The following XK variants were observed in gnomAD, a reference collection of about 807,000 sequenced individuals.
XK encodes endoplasmic reticulum membrane adapter protein XK.
In XK, 2 loss-of-function variants were observed where a neutral mutation model predicts 14.0. That is an observed-to-expected ratio of 0.14 (90% CI 0.06 to 0.45). XK has a LOEUF of 0.45. Among genes scored for constraint, XK ranks in the 20% least tolerant of loss-of-function variants. The pLI is 0.98. For synonymous variants in XK, 149 were observed against 147.5 expected (o/e 1.01, Z -0.08); for missense variants, 235 against 341.5 (o/e 0.69, Z 2.46).
At chrX:37,710,723 A>C (rs1438044571) in intron 2 of XK, among the ~76,000 whole-genome samples, 1 of 112,808 alleles carries the variant, frequency 8.9e-6, no homozygotes, top group East Asian at 2.8e-4. Flanking sequence ...AATTGGAAAC[A>C]AAACTTCTTG....
intron 2 of XK, among the ~76,000 whole-genome samples, chrX:37,723,984 A>G (rs1556449497): frequency 2.7e-5 from 3 of 111,200 alleles, no homozygotes; most frequent in South Asian, 3.7e-4. Context: ...CAGTCAACTC[A>G]GGTAATGGTG....
Position 37,728,209 on chromosome X carries a change from C to T in XK, c.1082C>T (p.Thr361Ile). ...LVLQLLIGYC[T>I]AILFMLVFYQ... ...CTGCAGCTGCTCATTGGGTACTGCA[C>T]AGCCATTCTCTTCATGCTTGTATTC... Residue 361 changes from threonine (T) to isoleucine (I), a missense_variant, in exon 3 of 3, where the codon ACA becomes ATA. By Grantham distance (89) the Thr-to-Ile change is moderately conservative (BLOSUM62 -1). Transcript: ENST00000378616. 8.3e-7 allele frequency: 1 copy of T among 1,211,421 alleles called. No individual in the cohort carries two copies. Among genetic ancestry groups the T allele is most frequent in the Non-Finnish European group, 1.1e-6 (1 of 895,319 alleles).
intron 1 of XK, among the ~76,000 whole-genome samples, chrX:37,686,797 G>C (rs782697548): frequency 2.8e-4 from 31 of 111,267 alleles, no homozygotes; most frequent in South Asian, 7.8e-4. Context: ...ATGTCTTCCG[G>C]CCCTGGCAAA....
At chrX:37,694,803 G>T (rs1927278613) in intron 2 of XK, among the ~76,000 whole-genome samples, 1 of 111,933 alleles carries the variant, frequency 8.9e-6, no homozygotes, top group Non-Finnish European at 1.9e-5. Context: ...AAGGTAGGGG[G>T]CTAGAATCTA....
At position 37,719,797 on chromosome X, in the gene XK, T is replaced by C. The variant is rs782586793; in HGVS notation, c.509-7839T>C. ...TCTATTTTTATTATCTATTATTATT[T>C]TTGGATTTTGGCCATTTTTTGTTGT... On this transcript the variant is annotated intron_variant, in intron 2 of 2. Coordinates refer to ENST00000378616, the MANE Select transcript of XK (RefSeq NM_021083.4). Among the ~76,000 whole-genome samples, 95 of 111,172 alleles carry C rather than the reference T, an allele frequency of 8.5e-4. 1 individual carries two copies. Among genetic ancestry groups the C allele is most frequent in the African/African-American group, 3.1e-3 (95 of 30,730 alleles).
At chrX:37,689,869 T>A (rs1211521921) in intron 1 of XK, among the ~76,000 whole-genome samples, 2 of 112,411 alleles carry the variant, frequency 1.8e-5, no homozygotes, top group African/African-American at 3.2e-5. Flanking sequence ...AAAAACATTT[T>A]AAAAATTCTG....
intron 2 of XK, among the ~76,000 whole-genome samples, chrX:37,710,860 G>A (rs1475807388): frequency 9.0e-6 from 1 of 111,720 alleles, no homozygotes; most frequent in African/African-American, 3.3e-5. Context: ...AACAACAACA[G>A]GAGTTACATC....
chrX:37,703,810 C>A (rs1301850385), intron 2 of XK, among the ~76,000 whole-genome samples: 1 of 112,324 alleles, frequency 8.9e-6, no homozygotes, highest in East Asian at 2.8e-4. Flanking sequence ...CTAAAGTCTT[C>A]AATACCAAGG....
intron 2 of XK, among the ~76,000 whole-genome samples, chrX:37,702,566 C>G (rs188813572): frequency 9.0e-6 from 1 of 111,721 alleles, no homozygotes; most frequent in Admixed American, 9.5e-5. Context: ...ATTTCTGGCT[C>G]TCTTGAGAAG....
chrX:37,707,423 GGC>G, intron 2 of XK, among the ~76,000 whole-genome samples: 2 of 107,538 alleles, frequency 1.9e-5, no homozygotes, highest in African/African-American at 6.8e-5. Context: ...GTGGCTGCCG[GGC>G]GCAGGGGCTC....
At chrX:37,723,491 AT>A (rs1427172333) in intron 2 of XK, among the ~76,000 whole-genome samples, 2 of 111,390 alleles carry the variant, frequency 1.8e-5, no homozygotes, top group Admixed American at 9.5e-5. Context: ...ATTTCAAAAT[AT>A]TTTTTATGCA....
At chrX:37,708,427 G>A (rs1927595131) in intron 2 of XK, among the ~76,000 whole-genome samples, 1 of 111,795 alleles carries the variant, frequency 8.9e-6, no homozygotes, top group African/African-American at 3.3e-5. Context: ...CCTCTGGAGG[G>A]AACATGCCCC....
chrX:37,703,443 G>C (rs1274310980), intron 2 of XK, among the ~76,000 whole-genome samples: 1 of 112,089 alleles, frequency 8.9e-6, no homozygotes, highest in African/African-American at 3.2e-5. Flanking sequence ...ACTGGGTTCT[G>C]GTCTCCTACA....
chrX:37,708,906 C>T (rs1195838817), intron 2 of XK, among the ~76,000 whole-genome samples: 4 of 112,121 alleles, frequency 3.6e-5, no homozygotes, highest in African/African-American at 1.3e-4. Context: ...TACTTTTTTG[C>T]CCATAATAAA....
At chrX:37,695,438 TAA>T (rs369105176) in intron 2 of XK, among the ~76,000 whole-genome samples, 2 of 101,484 alleles carry the variant, frequency 2.0e-5, no homozygotes, top group East Asian at 3.0e-4. Context: ...TTGGTTAAGT[TAA>T]AAAAAAAAAA....
At chrX:37,692,987 C>T (rs890110428) in intron 1 of XK, among the ~76,000 whole-genome samples, 4 of 111,066 alleles carry the variant, frequency 3.6e-5, no homozygotes, top group Non-Finnish European at 7.6e-5. Flanking sequence ...CACACCCACA[C>T]ACACCATACA....
chrX:37,695,844 T>C (rs1205591813), intron 2 of XK, among the ~76,000 whole-genome samples: 3 of 111,970 alleles, frequency 2.7e-5, no homozygotes, highest in Non-Finnish European at 5.6e-5. Flanking sequence ...CATTTATATG[T>C]AAATACTTTC....
chrX:37,725,945 G>A (rs1346894146), intron 2 of XK, among the ~76,000 whole-genome samples: 1 of 111,846 alleles, frequency 8.9e-6, no homozygotes, highest in East Asian at 2.8e-4. Context: ...CCAGGAGCTG[G>A]AGACTAGGGA....
chrX:37,718,599 G>A (rs781982187), intron 2 of XK, among the ~76,000 whole-genome samples: 1 of 111,775 alleles, frequency 8.9e-6, no homozygotes, highest in Non-Finnish European at 1.9e-5. Flanking sequence ...GTATATGCAG[G>A]AGTAGAACTG....
Sources: allele counts gnomAD v4.1 joint callset (sites outside exome capture counted in the v4.1 genomes callset), GRCh38; gene constraint gnomAD v4.1.1; transcripts MANE v1.5; gene names NCBI Gene and HGNC (gene_info 2026-07-23, HGNC 2026-07-21).